Variants in XRCC4 observed in about 807,000 individuals in gnomAD.
XRCC4 encodes the protein X-ray repair cross complementing 4, also known as DNA repair protein XRCC4.
A neutral mutation model predicts 39.1 loss-of-function variants in XRCC4; 28 were observed. The ratio of observed to expected loss-of-function variants is 0.72; its 90% CI spans 0.53 to 0.98. The LOEUF is 0.98. Among genes scored for constraint, XRCC4 ranks in the 50% least tolerant of loss-of-function variants. The pLI, the probability that XRCC4 is intolerant of heterozygous loss-of-function variation, is 0.00. For missense variants in XRCC4, 350 were observed against 376.4 expected (o/e 0.93, Z 0.58); for synonymous variants, 123 against 126.4 (o/e 0.97, Z 0.18).
intron 1 of XRCC4, among the ~76,000 whole-genome samples, chr5:83,093,856 C>A (rs749828707): frequency 6.6e-6 from 1 of 152,134 alleles, no homozygotes; most frequent in Non-Finnish European, 1.5e-5. Context: ...TTTTGAAAGA[C>A]ATCTTTGCTG....
At position 83,231,507 on chromosome 5, in the gene XRCC4, GTTTAAGTTGAATGATTCT is replaced by G. The variant is rs565597167; in HGVS notation, c.745+26590_745+26607del. ...AATTGAGACAAATACAGTAAATGGA[GTTTAAGTTGAATGATTCT>G]TTTTAAATCATTTTATCTGCCATGT... On this transcript the variant is annotated intron_variant, in intron 6 of 7. Transcript: ENST00000396027. 1.1e-3 allele frequency among the ~76,000 whole-genome samples: 164 copies of G among 152,190 alleles called. 1 individual carries two copies. The highest frequency in any genetic ancestry group is 3.8e-3 in the African/African-American group (157 of 41,560).
chr5:83,204,230 G>A (rs576796597), intron 5 of XRCC4, among the ~76,000 whole-genome samples: 12 of 152,122 alleles, frequency 7.9e-5, no homozygotes, highest in East Asian at 3.9e-4. Context: ...TACGGCTTTC[G>A]ACGATTATAA....
chr5:83,327,944 A>G (rs906888589), intron 7 of XRCC4, among the ~76,000 whole-genome samples: 8 of 152,152 alleles, frequency 5.3e-5, no homozygotes, highest in African/African-American at 1.4e-4. Flanking sequence ...GAAATAAAAT[A>G]TATAAGTCTT....
At chr5:83,208,802 T>C (rs1424295698) in intron 6 of XRCC4, among the ~76,000 whole-genome samples, 1 of 152,164 alleles carries the variant, frequency 6.6e-6, no homozygotes, top group Non-Finnish European at 1.5e-5. Flanking sequence ...GATTTACTTT[T>C]ACTATGTCTT....
rs1402309526 is a variant in XRCC4 at position 83,187,037 on chromosome 5, G to A, written c.316-8733G>A. Among the ~76,000 whole-genome samples the A allele has an allele frequency of 1.5e-4, 7 of 48,112 alleles. 3 individuals are homozygous for A. The highest frequency in any genetic ancestry group is 3.2e-4 in the Non-Finnish European group (7 of 22,038). 31.6% of individuals were successfully genotyped at this position (48,112 alleles called of 152,430 possible). The stretch of plus-strand genomic sequence containing the variant: ...CGGCTCACTGCAAGCTCCGCCTCCC[G>A]GGTTCACGCCATTCTCCTGCCTCAG... On this transcript the variant is annotated intron_variant, in intron 3 of 7. Transcript: ENST00000396027.
At chr5:83,242,856 T>G (rs558641086) in intron 6 of XRCC4, among the ~76,000 whole-genome samples, 20 of 152,258 alleles carry the variant, frequency 1.3e-4, no homozygotes, top group African/African-American at 4.6e-4. Context: ...AACAAAAATA[T>G]GAGGTAGGTT....
chr5:83,099,836 C>G (rs1403672213), intron 1 of XRCC4, among the ~76,000 whole-genome samples: 2 of 152,152 alleles, frequency 1.3e-5, no homozygotes, highest in African/African-American at 2.4e-5. Flanking sequence ...CACCCCGTTT[C>G]TTCAAGTAGT....
At chr5:83,236,943 G>A (rs192518694) in intron 6 of XRCC4, among the ~76,000 whole-genome samples, 58 of 151,756 alleles carry the variant, frequency 3.8e-4, no homozygotes, top group African/African-American at 1.4e-3. Flanking sequence ...CATACAAATG[G>A]CCAAAGGTAT....
At chr5:83,247,337 A>G (rs551075947) in intron 6 of XRCC4, among the ~76,000 whole-genome samples, 2 of 152,248 alleles carry the variant, frequency 1.3e-5, no homozygotes, top group Admixed American at 6.5e-5. Flanking sequence ...CCTGTTAGGA[A>G]CTGGGCCGCA....
chr5:83,313,533 A>G (rs1247246313), intron 7 of XRCC4, among the ~76,000 whole-genome samples: 1 of 151,998 alleles, frequency 6.6e-6, no homozygotes, highest in Admixed American at 6.6e-5. Context: ...AGCATGATTT[A>G]CTCAATATAT....
intron 7 of XRCC4, among the ~76,000 whole-genome samples, chr5:83,314,944 G>A (rs77474002): frequency 0.028 from 4,304 of 152,142 alleles, 200 homozygotes; most frequent in African/African-American, 0.097. Flanking sequence ...AGAGTTGCAC[G>A]TCTTTCATTT....
At chr5:83,082,066 T>C (rs567928833) in intron 1 of XRCC4, among the ~76,000 whole-genome samples, 192 of 152,286 alleles carry the variant, frequency 1.3e-3, no homozygotes, top group African/African-American at 4.5e-3. Context: ...AATTCAACAG[T>C]TTTCTACTAT....
At chr5:83,281,340 A>C (rs774000449) in intron 7 of XRCC4, among the ~76,000 whole-genome samples, 1 of 152,106 alleles carries the variant, frequency 6.6e-6, no homozygotes, top group Non-Finnish European at 1.5e-5. Context: ...ATGAGTCCCT[A>C]CAGTTCTCAA....
intron 7 of XRCC4, among the ~76,000 whole-genome samples, chr5:83,335,984 A>G (rs987924942): frequency 6.6e-6 from 1 of 152,048 alleles, no homozygotes; most frequent in Non-Finnish European, 1.5e-5. Context: ...ATTCTTACAG[A>G]TGAGTTTTTT....
At chr5:83,192,457 G>A (rs1750754509) in intron 3 of XRCC4, among the ~76,000 whole-genome samples, 2 of 151,514 alleles carry the variant, frequency 1.3e-5, no homozygotes, top group Non-Finnish European at 1.5e-5. Flanking sequence ...ACAGGCACAC[G>A]CCACCACGCC....
chr5:83,357,270 T>G (rs908699079), downstream of XRCC4, among the ~76,000 whole-genome samples: 3 of 152,216 alleles, frequency 2.0e-5, no homozygotes. Context: ...TGAGGTTATA[T>G]TCTAGAAATG....
chr5:83,261,736 A>C (rs1753759270), intron 7 of XRCC4, among the ~76,000 whole-genome samples: 1 of 151,750 alleles, frequency 6.6e-6, no homozygotes, highest in South Asian at 2.1e-4. Flanking sequence ...ATATTTATAG[A>C]TCTATTGTAT....
intron 7 of XRCC4, among the ~76,000 whole-genome samples, chr5:83,285,577 A>T (rs1174608418): frequency 3.9e-5 from 6 of 152,174 alleles, no homozygotes; most frequent in Admixed American, 3.9e-4. Flanking sequence ...ACTGGTTGAC[A>T]GAAATAAAGG....
At chr5:83,373,286 A>G in the XRCC4 span, among the ~76,000 whole-genome samples, 1 of 152,050 alleles carries the variant, frequency 6.6e-6, no homozygotes, top group Non-Finnish European at 1.5e-5. Context: ...CGCACACTTC[A>G]TTGAGTGTTG....
Sources: allele counts gnomAD v4.1 joint callset (sites outside exome capture counted in the v4.1 genomes callset), GRCh38; gene constraint gnomAD v4.1.1; transcripts MANE v1.5; gene names NCBI Gene and HGNC (gene_info 2026-07-23, HGNC 2026-07-21).